AUTS2: variants seen among roughly 807,000 people sequenced by gnomAD.
The protein encoded by AUTS2 is activator of transcription and developmental regulator AUTS2, also known as autism susceptibility gene 2 protein.
In AUTS2, 17 loss-of-function variants were observed where a neutral mutation model predicts 112.4. That is an observed-to-expected ratio of 0.15 (90% CI 0.10 to 0.23). The LOEUF (loss-of-function observed/expected upper bound fraction) is 0.23, where lower values mean the gene tolerates loss of function less well. Ranked by LOEUF, AUTS2 falls within the 10% of genes least tolerant of loss-of-function variation. The pLI is 1.00. For synonymous variants in AUTS2, 751 were observed against 702.7 expected (o/e 1.07, Z -1.09); for missense variants, 1,510 against 1,701.6 (o/e 0.89, Z 1.98).
At chr7:70,549,559 G>A (rs1211388879) in intron 5 of AUTS2, among the ~76,000 whole-genome samples, 1 of 152,194 alleles carries the variant, frequency 6.6e-6, no homozygotes, top group Non-Finnish European at 1.5e-5. Flanking sequence ...AGACATGGTG[G>A]CTCTCACCTG....
chr7:70,455,967 G>A (rs1003792073), intron 5 of AUTS2, among the ~76,000 whole-genome samples: 4 of 152,268 alleles, frequency 2.6e-5, no homozygotes, highest in African/African-American at 9.6e-5. Flanking sequence ...AGCCATGTGA[G>A]CTTTGTCAGT....
intron 4 of AUTS2, among the ~76,000 whole-genome samples, chr7:70,208,622 G>A (rs888211411): frequency 1.3e-5 from 2 of 151,970 alleles, no homozygotes; most frequent in African/African-American, 4.8e-5. Context: ...TAACATTCCA[G>A]GGTAAGAAAA....
At chr7:69,620,122 C>T (rs1793588509) in intron 1 of AUTS2, among the ~76,000 whole-genome samples, 1 of 152,096 alleles carries the variant, frequency 6.6e-6, no homozygotes, top group South Asian at 2.1e-4. Flanking sequence ...GCATGACATA[C>T]AGTAAGGTTC....
At position 70,790,495 on chromosome 7, in the gene AUTS2, C is replaced by T. The variant is rs747997912; in HGVS notation, c.3279C>T (p.Asp1093=). The T allele has an allele frequency of 2.4e-5, 39 of 1,612,596 alleles. No individual in the cohort carries two copies. Among genetic ancestry groups the T allele is most frequent in the Admixed American group, 8.3e-5 (5 of 59,960 alleles). Residue 1093 remains aspartate, a synonymous_variant, in exon 19 of 19, where the codon GAC becomes GAT. Coordinates refer to ENST00000342771, the MANE Select transcript of AUTS2 (RefSeq NM_015570.4). This position sits in a 1 kb window ranked among gnomAD's most constrained non-coding sequence, Gnocchi z 7.6. ...ACCGGAGAGACCCGCTGGGCAGGGA[C>T]TTCCTGCTAAGGAACGACCCGCTCC... is the stretch of plus-strand genomic sequence containing the variant. ...DIHRRDPLGR[D]FLLRNDPLHR...
chr7:70,466,444 A>G (rs1312966104), intron 5 of AUTS2, among the ~76,000 whole-genome samples: 1 of 152,148 alleles, frequency 6.6e-6, no homozygotes, highest in Non-Finnish European at 1.5e-5. Flanking sequence ...TTTGCCATAT[A>G]TTTACCAAAA....
At chr7:70,737,176 A>G (rs1373918484) in intron 6 of AUTS2, among the ~76,000 whole-genome samples, 1 of 152,236 alleles carries the variant, frequency 6.6e-6, no homozygotes, top group Non-Finnish European at 1.5e-5. Flanking sequence ...AAGTAGACAG[A>G]TTTGGGTAGT....
intron 3 of AUTS2, chr7:70,118,590 C>G (rs1396146047): frequency 6.2e-6 from 1 of 161,722 alleles, no homozygotes; most frequent in Non-Finnish European, 1.3e-5. Flanking sequence ...ACCAGCCTGA[C>G]CAGCATGGAG....
In AUTS2 at chr7:70,469,614, C is replaced by T. The variant is rs1672081435; in HGVS notation, c.690+33833C>T. Among the ~76,000 whole-genome samples the T allele has an allele frequency of 2.0e-5, 3 of 152,002 alleles. No individual in the cohort carries two copies. The South Asian group carries it at 6.2e-4, about 32-fold the overall frequency. On this transcript the variant is annotated intron_variant, in intron 5 of 18. Transcript: ENST00000342771. ...TTTTTTGATATATAATTGATAAGAT[C>T]CGACTCGTGGTTTGTTTTTGTTTTG...
At chr7:69,912,521 T>C (rs1442144273) in intron 2 of AUTS2, among the ~76,000 whole-genome samples, 1 of 152,224 alleles carries the variant, frequency 6.6e-6, no homozygotes, top group Non-Finnish European at 1.5e-5. Flanking sequence ...GTAGGGAGTA[T>C]ATTAGGGCTG....
At chr7:69,831,400 C>A (rs1791495105) in intron 1 of AUTS2, among the ~76,000 whole-genome samples, 1 of 151,982 alleles carries the variant, frequency 6.6e-6, no homozygotes, top group Non-Finnish European at 1.5e-5. Context: ...TTAAACGGAA[C>A]CAAAGAAAAT....
chr7:69,938,276 C>G (rs1228212814), intron 2 of AUTS2, among the ~76,000 whole-genome samples: 1 of 152,128 alleles, frequency 6.6e-6, no homozygotes, highest in Non-Finnish European at 1.5e-5. Context: ...CTGCAGCTTC[C>G]CGTAGGCCTC....
At chr7:70,128,536 A>G (rs1444771285) in intron 3 of AUTS2, among the ~76,000 whole-genome samples, 1 of 152,216 alleles carries the variant, frequency 6.6e-6, no homozygotes, top group Non-Finnish European at 1.5e-5. Flanking sequence ...GTCTATGGGA[A>G]GAACATTCTG....
chr7:70,619,438 C>T (rs1387435693), intron 5 of AUTS2, among the ~76,000 whole-genome samples: 2 of 152,028 alleles, frequency 1.3e-5, no homozygotes, highest in East Asian at 3.9e-4. Context: ...GCTCTTCATG[C>T]TTGTTATCTC....
chr7:70,417,912 T>C (rs1291017644), intron 4 of AUTS2, among the ~76,000 whole-genome samples: 2 of 152,172 alleles, frequency 1.3e-5, no homozygotes, highest in Non-Finnish European at 2.9e-5. Flanking sequence ...CTCACCACTG[T>C]TGTTTGGCCT....
chr7:70,018,037 T>A (rs989324918), intron 2 of AUTS2, among the ~76,000 whole-genome samples: 1 of 151,960 alleles, frequency 6.6e-6, no homozygotes, highest in Non-Finnish European at 1.5e-5. Context: ...TGATGGTCAT[T>A]TCAGTTCTTT....
At chr7:70,565,567 C>A (rs938315003) in intron 5 of AUTS2, among the ~76,000 whole-genome samples, 5 of 152,136 alleles carry the variant, frequency 3.3e-5, no homozygotes, top group African/African-American at 1.2e-4. Flanking sequence ...GTACTCCCAG[C>A]TGCTCAGGAA....
At chr7:70,120,991 A>G (rs1161107139) in intron 3 of AUTS2, among the ~76,000 whole-genome samples, 1 of 152,218 alleles carries the variant, frequency 6.6e-6, no homozygotes, top group Non-Finnish European at 1.5e-5. Context: ...TGCTGGCCTA[A>G]TATTAGACAT....
intron 5 of AUTS2, among the ~76,000 whole-genome samples, chr7:70,540,316 C>T (rs1315983590): frequency 2.0e-5 from 3 of 152,238 alleles, no homozygotes; most frequent in East Asian, 3.9e-4. Context: ...GGGCAGCTAC[C>T]CCCCTAGCAG....
At chr7:70,553,921 C>G in intron 5 of AUTS2, among the ~76,000 whole-genome samples, 1 of 151,032 alleles carries the variant, frequency 6.6e-6, no homozygotes, top group East Asian at 2.0e-4. Context: ...GCACGCGCCA[C>G]CACACCCAAC....
Sources: allele counts gnomAD v4.1 joint callset (sites outside exome capture counted in the v4.1 genomes callset), GRCh38; gene constraint gnomAD v4.1.1; non-coding constraint Gnocchi (gnomAD v3.1); transcripts MANE v1.5; gene names NCBI Gene and HGNC (gene_info 2026-07-23, HGNC 2026-07-21).